Variants in DNAH6 observed in about 807,000 individuals in gnomAD.
DNAH6 encodes dynein axonemal heavy chain 6.
In DNAH6, 340 loss-of-function variants were observed where a neutral mutation model predicts 491.4. That is an observed-to-expected ratio of 0.69 (90% CI 0.63 to 0.76). DNAH6 has a LOEUF of 0.76. Ranked by LOEUF, DNAH6 falls within the 30% of genes least tolerant of loss-of-function variation. DNAH6 has a pLI of 0.00. For missense variants in DNAH6, 4,443 were observed against 4,972.2 expected (o/e 0.89, Z 3.20); for synonymous variants, 1,603 against 1,686.1 (o/e 0.95, Z 1.21).
At chr2:84,496,455 GA>G in the DNAH6 span, among the ~76,000 whole-genome samples, 1 of 152,062 alleles carries the variant, frequency 6.6e-6, no homozygotes, top group Admixed American at 6.5e-5. Flanking sequence ...ACTGTTTTAT[GA>G]CATTAATACT....
chr2:84,771,844 A>G (rs1342836248), intron 64 of DNAH6, among the ~76,000 whole-genome samples: 2 of 152,248 alleles, frequency 1.3e-5, no homozygotes, highest in East Asian at 3.8e-4. Flanking sequence ...TGTTCAGACT[A>G]AAATGAAAGG....
At chr2:84,517,076 T>G (rs1393607718) in intron 1 of DNAH6, among the ~76,000 whole-genome samples, 1 of 152,204 alleles carries the variant, frequency 6.6e-6, no homozygotes, top group African/African-American at 2.4e-5. Flanking sequence ...ATATTTCTAT[T>G]GGCCAGCACT....
At position 84,672,312 on chromosome 2, in the gene DNAH6, A is replaced by G; in HGVS notation, c.6455-15A>G. The G allele has an allele frequency of 1.3e-6, 2 of 1,537,842 alleles. No homozygotes were observed. The highest frequency in any genetic ancestry group is 1.8e-6 in the Non-Finnish European group (2 of 1,141,580). The stretch of plus-strand genomic sequence containing the variant: ...AAATCATAATTCTTAAATTAAATTC[A>G]TTTTATTTCCCTAGGAGCACCGGGA... On this transcript the variant is annotated splice_polypyrimidine_tract_variant and intron_variant, in intron 39 of 76. Coordinates refer to ENST00000389394, the MANE Select transcript of DNAH6 (RefSeq NM_001370.2).
chr2:84,627,671 G>C (rs1688012209), intron 29 of DNAH6, among the ~76,000 whole-genome samples: 1 of 152,002 alleles, frequency 6.6e-6, no homozygotes, highest in Non-Finnish European at 1.5e-5. Context: ...TTGTCATTTT[G>C]GGGAACTCTT....
intron 11 of DNAH6, among the ~76,000 whole-genome samples, chr2:84,572,649 G>A (rs1410005530): frequency 6.6e-6 from 1 of 152,126 alleles, no homozygotes; most frequent in African/African-American, 2.4e-5. Flanking sequence ...CTACCACAAG[G>A]CATAACTGAG....
At chr2:84,663,575 C>G (rs1490520686) in intron 37 of DNAH6, among the ~76,000 whole-genome samples, 1 of 152,126 alleles carries the variant, frequency 6.6e-6, no homozygotes. Flanking sequence ...TGAACAAAGC[C>G]TCCAAGATAT....
chr2:84,617,685 T>C (rs74988418), intron 23 of DNAH6, among the ~76,000 whole-genome samples: 1,733 of 152,180 alleles, frequency 0.011, 33 homozygotes, highest in African/African-American at 0.04. Flanking sequence ...GTTGAATGAA[T>C]ATGTGTGCCT....
At chr2:84,770,078 T>G (rs1330863747) in intron 64 of DNAH6, among the ~76,000 whole-genome samples, 1 of 152,202 alleles carries the variant, frequency 6.6e-6, no homozygotes, top group African/African-American at 2.4e-5. Context: ...CTGGGAAATT[T>G]TTGTTGTTGT....
At chr2:84,509,643 T>A in the DNAH6 span, among the ~76,000 whole-genome samples, 1 of 152,194 alleles carries the variant, frequency 6.6e-6, no homozygotes, top group East Asian at 1.9e-4. Flanking sequence ...ATTTTGCTCT[T>A]TAGTTGATGC....
chr2:84,781,629 C>T lies in DNAH6; in HGVS notation c.10840C>T (p.Leu3614Phe), dbSNP rs1449555455. The T allele has an allele frequency of 6.4e-6, 10 of 1,551,760 alleles. No individual in the cohort carries two copies. In the Admixed American group the frequency reaches 1.6e-4, roughly 24 times the overall value. The change falls in exon 65 of 77, where the codon CTC (leucine) becomes TTC (phenylalanine). Residue 3614 changes from leucine (L) to phenylalanine (F), a missense_variant. Leu to Phe is a conservative substitution (Grantham distance 22). Around this residue, in one of 3 missense-constraint regions of DNAH6, gnomAD observed 1,463 missense variants for 1,656.6 expected, o/e 0.88. Transcript: ENST00000389394. ...TTCTTGGATGTTGGCAATGGAAGAG[C>T]TCATTAAAACCTTCACAGATCCAGG... ...AVSWMLAMEE[L>F]IKTFTDPDSA...
chr2:84,784,969 G>T (rs553455909), intron 66 of DNAH6, among the ~76,000 whole-genome samples, 159 bp downstream of exon 66: 1 of 152,158 alleles, frequency 6.6e-6, no homozygotes, highest in Non-Finnish European at 1.5e-5. Context: ...AACAAGCAGA[G>T]AAACGATTTC....
chr2:84,577,420 C>CA lies in DNAH6; in HGVS notation c.2076+12_2076+13insA. On this transcript the variant is annotated intron_variant, in intron 13 of 76. Coordinates refer to ENST00000389394, the MANE Select transcript of DNAH6 (RefSeq NM_001370.2). The stretch of plus-strand genomic sequence containing the variant: ...TGCGATGCTTAGAGGTAACTATAAA[C>CA]TAGAAAAAAAAATAATTATTCCTCT... 6.5e-7 allele frequency: 1 copy of CA among 1,539,476 alleles called. No homozygotes were observed. Among genetic ancestry groups the CA allele is most frequent in the Non-Finnish European group, 8.8e-7 (1 of 1,141,832 alleles).
chr2:84,621,224 A>T lies in DNAH6; in HGVS notation c.3826A>T (p.Asn1276Tyr). 6.4e-7 allele frequency: 1 copy of T among 1,551,634 alleles called. No individual in the cohort carries two copies. Among genetic ancestry groups the T allele is most frequent in the Non-Finnish European group, 8.7e-7 (1 of 1,146,890 alleles). ...SLGKGLKARG[N>Y]VEEWLGKVEE... ...GGGGAAAGGCCTCAAGGCCCGAGGCAATGTAGAGGAATGGCTTGGTAAAGT... is the reference window on the plus strand; with the variant it reads ...GGGGAAAGGCCTCAAGGCCCGAGGCTATGTAGAGGAATGGCTTGGTAAAGT... The change falls in exon 25 of 77, where the codon AAT (asparagine) becomes TAT (tyrosine). Residue 1276 changes from asparagine (N) to tyrosine (Y), a missense_variant. By Grantham distance (143) the Asn-to-Tyr change is moderately radical. Coordinates refer to ENST00000389394, the MANE Select transcript of DNAH6 (RefSeq NM_001370.2).
At chr2:84,696,632 T>C (rs1695416473) in intron 46 of DNAH6, among the ~76,000 whole-genome samples, 1 of 152,006 alleles carries the variant, frequency 6.6e-6, no homozygotes, top group African/African-American at 2.4e-5. Context: ...GACACAATTA[T>C]ACCAAGTTCA....
At chr2:84,581,937 G>A (rs753543841) in intron 14 of DNAH6, among the ~76,000 whole-genome samples, 9 of 152,108 alleles carry the variant, frequency 5.9e-5, no homozygotes, top group South Asian at 2.1e-4. Flanking sequence ...TTCATTGTCC[G>A]ATCAGGACAT....
At chr2:84,688,396 T>C in intron 44 of DNAH6, 43 bp from the exon 45 acceptor site, 1 of 1,442,834 alleles carries the variant, frequency 6.9e-7, no homozygotes, top group South Asian at 1.5e-5. Context: ...GTTATGTGTC[T>C]ATCAGAATTG....
intron 29 of DNAH6, among the ~76,000 whole-genome samples, chr2:84,632,109 A>C (rs1267420088): frequency 6.6e-6 from 1 of 152,202 alleles, no homozygotes; most frequent in Admixed American, 6.5e-5. Flanking sequence ...AGAATTGGAG[A>C]TCACCTGACT....
At chr2:84,671,175 G>A (rs1002754234) in intron 39 of DNAH6, among the ~76,000 whole-genome samples, 1 of 152,152 alleles carries the variant, frequency 6.6e-6, no homozygotes, top group African/African-American at 2.4e-5. Flanking sequence ...GTGTTCAGAT[G>A]GGCCTCTCTG....
chr2:84,570,737 T>TA (rs1264934786), intron 11 of DNAH6, among the ~76,000 whole-genome samples: 1 of 152,132 alleles, frequency 6.6e-6, no homozygotes, highest in Non-Finnish European at 1.5e-5. Flanking sequence ...AATAAGGGAA[T>TA]AAAAGCTGGC....
Sources: gnomAD v4.1 joint callset for allele counts (sites outside exome capture counted in the v4.1 genomes callset) on GRCh38, gnomAD v4.1.1 for gene constraint, gnomAD v4.1.1 regional missense constraint, MANE v1.5 for transcripts, NCBI Gene and HGNC (gene_info 2026-07-23, HGNC 2026-07-21) for gene names.